AXDND1: variants seen among roughly 807,000 people sequenced by gnomAD.
The protein encoded by AXDND1 is axonemal dynein light chain domain containing 1.
A neutral mutation model predicts 137.5 loss-of-function variants in AXDND1; 110 were observed. The ratio of observed to expected loss-of-function variants is 0.80; its 90% CI spans 0.69 to 0.94. The LOEUF is 0.94. AXDND1 is among the 40% of genes least tolerant of loss of function. The pLI is 0.00. For synonymous variants in AXDND1, 414 were observed against 399.7 expected, an observed-to-expected ratio of 1.04 and a Z score of -0.43; for missense variants, 1,191 against 1,169.8, an observed-to-expected ratio of 1.02 and a Z score of -0.26.
chr1:179,474,580 C>T (rs1664374078), intron 17 of AXDND1, among the ~76,000 whole-genome samples: 1 of 152,132 alleles, frequency 6.6e-6, no homozygotes, highest in African/African-American at 2.4e-5. Flanking sequence ...AGACTGGTGG[C>T]ATTTTGACTC....
At chr1:179,465,864 T>A (rs1039810201) in intron 16 of AXDND1, among the ~76,000 whole-genome samples, 2 of 152,270 alleles carry the variant, frequency 1.3e-5, no homozygotes, top group African/African-American at 4.8e-5. Flanking sequence ...TGCAGTTTGA[T>A]CTCAGACTGT....
At chr1:179,418,564 G>T (rs867728002) in intron 12 of AXDND1, among the ~76,000 whole-genome samples, 1 of 151,994 alleles carries the variant, frequency 6.6e-6, no homozygotes, top group African/African-American at 2.4e-5. Context: ...CAGTAGGGGC[G>T]GCCGGGCAGA....
chr1:179,448,365 A>C, intron 16 of AXDND1: 1 of 674,020 alleles, frequency 1.5e-6, no homozygotes, highest in Admixed American at 2.2e-5. Context: ...ATTAATCCAA[A>C]CTCTCTCTTT....
Position 179,483,125 on chromosome 1 carries a change from C to T in AXDND1, c.1998-3C>T. On this transcript the variant is annotated splice_region_variant and splice_polypyrimidine_tract_variant and intron_variant, in intron 17 of 25. Transcript: ENST00000367618. ...CTTTTATTTTACTTGATTTTTCCTTCAGGGTACTCCAAGCGTATATATTTA... is the reference window on the plus strand; with the variant it reads ...CTTTTATTTTACTTGATTTTTCCTTTAGGGTACTCCAAGCGTATATATTTA... 1 of 1,565,640 alleles carries T rather than the reference C, an allele frequency of 6.4e-7. No homozygotes were observed. The highest frequency in any genetic ancestry group is 2.3e-5 in the East Asian group (1 of 43,688).
chr1:179,420,335 T>A (rs1655480943), intron 12 of AXDND1, among the ~76,000 whole-genome samples: 1 of 152,194 alleles, frequency 6.6e-6, no homozygotes, highest in Admixed American at 6.5e-5. Flanking sequence ...TGTTGTTGAA[T>A]TTGGTTTGCT....
At chr1:179,462,406 G>T (rs74877180) in intron 16 of AXDND1, among the ~76,000 whole-genome samples, 1 of 152,024 alleles carries the variant, frequency 6.6e-6, no homozygotes, top group Non-Finnish European at 1.5e-5. Context: ...CAGCTTCATC[G>T]TGGTGGATAA....
At chr1:179,492,361 C>T (rs12066098) in intron 19 of AXDND1, among the ~76,000 whole-genome samples, 2,380 of 151,942 alleles carry the variant, frequency 0.016, 51 homozygotes, top group African/African-American at 0.053. Flanking sequence ...AGCCATGAGC[C>T]ACCATGCCCA....
chr1:179,514,881 A>G (rs1453238057), intron 21 of AXDND1, among the ~76,000 whole-genome samples: 1 of 152,122 alleles, frequency 6.6e-6, no homozygotes, highest in Non-Finnish European at 1.5e-5. Flanking sequence ...AAGAATAGCT[A>G]CCCCTGCTCG....
intron 25 of AXDND1, among the ~76,000 whole-genome samples, chr1:179,537,775 T>A (rs1454257573): frequency 6.6e-6 from 1 of 152,204 alleles, no homozygotes; most frequent in Non-Finnish European, 1.5e-5. Flanking sequence ...TGGTACCTGC[T>A]CCTCTTTGTA....
chr1:179,525,918 T>C (rs1670494092), intron 22 of AXDND1, among the ~76,000 whole-genome samples: 1 of 152,128 alleles, frequency 6.6e-6, no homozygotes, highest in South Asian at 2.1e-4. Context: ...CATATAGATT[T>C]AGCCAAACCT....
intron 15 of AXDND1, among the ~76,000 whole-genome samples, chr1:179,434,947 C>A (rs185955548): frequency 6.6e-6 from 1 of 152,082 alleles, no homozygotes; most frequent in African/African-American, 2.4e-5. Context: ...AAAACCCCAT[C>A]GTCTCAGCCC....
intron 18 of AXDND1, among the ~76,000 whole-genome samples, chr1:179,489,741 C>CTTTTTT (rs140787885): frequency 5.9e-5 from 6 of 101,288 alleles, no homozygotes; most frequent in South Asian, 3.3e-4. Context: ...TACTACTTTT[C>CTTTTTT]TTTTTTTTTT....
chr1:179,545,932 G>A (rs1672601983), intron 25 of AXDND1: 2 of 152,214 alleles, frequency 1.3e-5, no homozygotes. Flanking sequence ...GTATTGAAAG[G>A]ATGCTGGGGG....
intron 17 of AXDND1, among the ~76,000 whole-genome samples, chr1:179,479,514 A>G (rs1665074528): frequency 6.7e-6 from 1 of 149,430 alleles, no homozygotes; most frequent in African/African-American, 2.5e-5. Context: ...GTGGTGGCTC[A>G]TGCCTGTAAT....
intron 6 of AXDND1, among the ~76,000 whole-genome samples, chr1:179,380,670 T>C (rs1195617420): frequency 1.3e-5 from 2 of 152,238 alleles, no homozygotes; most frequent in Admixed American, 1.3e-4. Context: ...AGGCTGTCAC[T>C]CTTTTGATAT....
chr1:179,487,752 T>C (rs923589568), intron 18 of AXDND1, among the ~76,000 whole-genome samples: 1 of 148,344 alleles, frequency 6.7e-6, no homozygotes, highest in East Asian at 1.9e-4. Context: ...CTCGACACTT[T>C]GTAAGGCCAA....
At chr1:179,403,679 T>G (rs1652468523) in intron 11 of AXDND1, among the ~76,000 whole-genome samples, 1 of 152,198 alleles carries the variant, frequency 6.6e-6, no homozygotes, top group Admixed American at 6.5e-5. Flanking sequence ...ATTCAAGTGA[T>G]TCTCCTGCCT....
chr1:179,499,352 A>G (rs897745697), intron 20 of AXDND1, among the ~76,000 whole-genome samples: 6 of 34,494 alleles, frequency 1.7e-4, no homozygotes, highest in Non-Finnish European at 3.9e-4. Context: ...GTTTCAAAAG[A>G]CCACATATTT....
chr1:179,520,130 T>G (rs772358023), intron 21 of AXDND1, among the ~76,000 whole-genome samples: 1 of 152,208 alleles, frequency 6.6e-6, no homozygotes, highest in Non-Finnish European at 1.5e-5. Flanking sequence ...TAAGGTATTT[T>G]ATTCTTTTTC....
Sources: allele counts gnomAD v4.1 joint callset (sites outside exome capture counted in the v4.1 genomes callset), GRCh38; gene constraint gnomAD v4.1.1; transcripts MANE v1.5; gene names NCBI Gene and HGNC (gene_info 2026-07-23, HGNC 2026-07-21).